The following FAM133B variants were observed in gnomAD, a reference collection of about 807,000 sequenced individuals.
The protein encoded by FAM133B is family with sequence similarity 133 member B.
A neutral mutation model predicts 46.4 loss-of-function variants in FAM133B; 25 were observed. That is an observed-to-expected ratio of 0.54 (90% confidence interval 0.39 to 0.75). The LOEUF (loss-of-function observed/expected upper bound fraction) is 0.75. FAM133B is among the 30% of genes least tolerant of loss of function. FAM133B has a pLI of 0.00. For missense variants in FAM133B, 205 were observed against 277.6 expected (o/e 0.74, Z 1.86); for synonymous variants, 75 against 86.0 (o/e 0.87, Z 0.71).
intron 1 of FAM133B, among the ~76,000 whole-genome samples, chr7:92,583,084 T>A (rs1448928248): frequency 3.3e-5 from 5 of 152,182 alleles, no homozygotes; most frequent in Non-Finnish European, 5.9e-5. Context: ...CAAATGTCCA[T>A]CTATGGATAA....
chr7:92,581,736 C>T, intron 1 of FAM133B, 133 bp from the exon 2 acceptor site: 1 of 654,344 alleles, frequency 1.5e-6, no homozygotes, highest in Non-Finnish European at 2.6e-6. Context: ...CTAACCAACT[C>T]TTTATTCTAA....
intron 9 of FAM133B, among the ~76,000 whole-genome samples, chr7:92,567,587 ATT>A (rs1317072162): frequency 6.6e-6 from 1 of 152,136 alleles, no homozygotes; most frequent in Non-Finnish European, 1.5e-5. Context: ...CAATATTTTT[ATT>A]GTTATTCTTG....
At chr7:92,573,942 G>C (rs1794614598) in intron 8 of FAM133B, among the ~76,000 whole-genome samples, 1 of 151,920 alleles carries the variant, frequency 6.6e-6, no homozygotes, top group African/African-American at 2.4e-5. Context: ...GTAGTGGCAT[G>C]ACCTTGTGGG....
intron 8 of FAM133B, among the ~76,000 whole-genome samples, chr7:92,571,863 A>G (rs1344821884): frequency 6.6e-6 from 1 of 152,164 alleles, no homozygotes; most frequent in African/African-American, 2.4e-5. Flanking sequence ...CATTTATTCA[A>G]TCTTCATATA....
Position 92,577,692 on chromosome 7 carries a change from G to A in FAM133B, c.335C>T (p.Ser112Phe). 6.3e-7 allele frequency: 1 copy of A among 1,584,770 alleles called. No individual in the cohort carries two copies. ...GRYSSSSSSS[S>F]DSSSSSSDSE... ...ATCAGAAGAACTGCTGGAAGAATCA[G>A]AGCTTGATGAAGAAGAAGATGAATA... Residue 112 changes from serine to phenylalanine, a missense_variant, in exon 6 of 11, where the codon TCT (serine) becomes TTT (phenylalanine). Physicochemically the swap from Ser to Phe is radical, Grantham distance 155 (BLOSUM62 -2). Transcript: ENST00000445716.
chr7:92,561,412 A>AT lies in FAM133B; in HGVS notation c.*869dup, dbSNP rs1248569422. ...GGTTAAAACTTAGTATAAAACATGC[A>AT]TTTTAGAATCTTTAGCTATCAAGTT... On this transcript the variant is annotated 3_prime_UTR_variant, in exon 11 of 11. Coordinates refer to ENST00000445716, the MANE Select transcript of FAM133B (RefSeq NM_152789.4). 3.9e-5 allele frequency: 5 copies of AT among 127,408 alleles called. No homozygotes were observed. Among genetic ancestry groups the AT allele is most frequent in the Non-Finnish European group, 8.2e-5 (5 of 61,022 alleles). 7.9% of individuals were successfully genotyped at this position (127,408 alleles called of 1,614,324 possible). A position where few individuals can be genotyped will look rare whatever the true frequency, so the allele number is the denominator to read the frequency against.
At chr7:92,581,721 TCTGA>T (rs1295144001) in intron 1 of FAM133B, 118 bp from the exon 2 acceptor site, 1 of 731,444 alleles carries the variant, frequency 1.4e-6, no homozygotes. Flanking sequence ...GTATATGCAA[TCTGA>T]CTAACCAACT....
Position 92,562,349 on chromosome 7 carries a change from T to C in FAM133B, c.677A>G (p.Lys226Arg). The change falls in exon 11 of 11, where the codon AAG becomes AGG. Residue 226 changes from lysine to arginine, a missense_variant. By Grantham distance (26) the Lys-to-Arg change is conservative (BLOSUM62 2). Transcript: ENST00000445716. Reference sequence around the variant, plus strand: ...CTTCTTACTGTGTTTCTTATGCTTCTTTTTCTTTTTTGTTTTTTCCTGTAA... The same window carrying C: ...CTTCTTACTGTGTTTCTTATGCTTCCTTTTCTTTTTTGTTTTTTCCTGTAA... ...EKATEKTKKK[K>R]KHKKHSKKKK... The C allele has an allele frequency of 6.5e-7, 1 of 1,533,004 alleles. No individual in the cohort carries two copies. Among genetic ancestry groups the C allele is most frequent in the Non-Finnish European group, 8.7e-7 (1 of 1,144,942 alleles). The allele number at this position is 1,533,004 out of a possible 1,614,324, so 95.0% of individuals were successfully genotyped here.
intron 1 of FAM133B, among the ~76,000 whole-genome samples, chr7:92,584,047 CAAAAAAAAAAAA>C (rs765172200): frequency 0.017 from 618 of 36,804 alleles, 12 homozygotes; most frequent in African/African-American, 0.055. Flanking sequence ...AAGACTGTCT[CAAAAAAAAAAAA>C]AAAAAAAAAA....
intron 10 of FAM133B, among the ~76,000 whole-genome samples, chr7:92,565,315 A>G (rs1794309733): frequency 1.3e-5 from 2 of 148,468 alleles, no homozygotes; most frequent in Non-Finnish European, 3.0e-5. Context: ...ACGCCCGGCT[A>G]ATTTTTGTAT....
At chr7:92,590,131 CG>C (rs1562901217) in intron 1 of FAM133B, 136 bp downstream of exon 1, 1 of 1,308,838 alleles carries the variant, frequency 7.6e-7, no homozygotes, top group Non-Finnish European at 1.1e-6. Context: ...CTGGGATCGG[CG>C]GAGGGTGCTG....
At chr7:92,587,867 T>A (rs1043683098) in intron 1 of FAM133B, among the ~76,000 whole-genome samples, 2 of 152,100 alleles carry the variant, frequency 1.3e-5, no homozygotes, top group South Asian at 4.1e-4. Context: ...AATGTACCAC[T>A]CTGGTGAAGG....
intron 8 of FAM133B, among the ~76,000 whole-genome samples, chr7:92,573,874 A>T (rs773103198): frequency 1.3e-5 from 2 of 151,768 alleles, no homozygotes; most frequent in Non-Finnish European, 2.9e-5. Context: ...TTTTAAATTA[A>T]ATTTTATTTT....
chr7:92,581,077 G>C (rs1322583147), intron 2 of FAM133B, among the ~76,000 whole-genome samples: 1 of 152,188 alleles, frequency 6.6e-6, no homozygotes, highest in Non-Finnish European at 1.5e-5. Context: ...CCCATACTCT[G>C]ATGCTTTATT....
intron 8 of FAM133B, among the ~76,000 whole-genome samples, chr7:92,573,042 C>A (rs1274058992): frequency 6.6e-6 from 1 of 150,976 alleles, no homozygotes; most frequent in Non-Finnish European, 1.5e-5. Context: ...AAAAAAGAAA[C>A]TCAATATTCT....
chr7:92,573,023 T>TA (rs1794580303), intron 8 of FAM133B, among the ~76,000 whole-genome samples: 1 of 151,202 alleles, frequency 6.6e-6, no homozygotes, highest in South Asian at 2.1e-4. Flanking sequence ...TAGGTATAAC[T>TA]AATTAAAAAA....
At chr7:92,590,108 G>A (rs1487620972) in intron 1 of FAM133B, 160 bp downstream of exon 1, 2 of 1,028,100 alleles carry the variant, frequency 1.9e-6, no homozygotes. Context: ...CTGCGTGCGC[G>A]GCGCACGCGC....
At chr7:92,572,447 C>T (rs1354659452) in intron 8 of FAM133B, among the ~76,000 whole-genome samples, 5 of 152,162 alleles carry the variant, frequency 3.3e-5, no homozygotes, top group African/African-American at 9.7e-5. Context: ...TGGCTGGGCG[C>T]GGTGGCTCAC....
At chr7:92,563,871 T>C (rs1794231062) in intron 10 of FAM133B, among the ~76,000 whole-genome samples, 1 of 152,190 alleles carries the variant, frequency 6.6e-6, no homozygotes, top group African/African-American at 2.4e-5. Context: ...TCAAAATGTA[T>C]CTCAAATCCA....
Sources: allele counts gnomAD v4.1 joint callset (sites outside exome capture counted in the v4.1 genomes callset), GRCh38; gene constraint gnomAD v4.1.1; transcripts MANE v1.5; gene names NCBI Gene and HGNC (gene_info 2026-07-23, HGNC 2026-07-21).